Variants in SYT2 observed in about 807,000 individuals in gnomAD.
SYT2 encodes synaptotagmin 2, also known as synaptotagmin-2.
In SYT2, 15 loss-of-function variants were observed where a neutral mutation model predicts 39.9. That is an observed-to-expected ratio of 0.38 (90% CI 0.25 to 0.58). SYT2 has a LOEUF of 0.58. Among genes scored for constraint, SYT2 ranks in the 20% least tolerant of loss-of-function variants. The pLI is 0.70. For synonymous variants in SYT2, 181 were observed against 204.5 expected (o/e 0.89, Z 0.98); for missense variants, 389 against 530.3 (o/e 0.73, Z 2.62).
intron 7 of SYT2, 28 bp downstream of exon 7, chr1:202,600,329 C>T (rs1312047683): frequency 1.3e-6 from 2 of 1,588,160 alleles, no homozygotes; most frequent in East Asian, 2.2e-5. Flanking sequence ...TGGTGCCACC[C>T]AATGGCAGCC....
At chr1:202,701,551 T>A (rs1654120575) in intron 1 of SYT2, among the ~76,000 whole-genome samples, 1 of 152,218 alleles carries the variant, frequency 6.6e-6, no homozygotes, top group African/African-American at 2.4e-5. Flanking sequence ...GAAAATGGCA[T>A]TTCATTATTT....
chr1:202,646,020 C>A (rs1052074699), intron 1 of SYT2, among the ~76,000 whole-genome samples: 3 of 152,228 alleles, frequency 2.0e-5, no homozygotes, highest in Non-Finnish European at 4.4e-5. Flanking sequence ...AGGGAGCCCC[C>A]AAAGGGTGGA....
At chr1:202,676,145 C>G (rs1415389529) in intron 1 of SYT2, among the ~76,000 whole-genome samples, 3 of 152,230 alleles carry the variant, frequency 2.0e-5, no homozygotes, top group Non-Finnish European at 4.4e-5. Flanking sequence ...GGTACGCAGG[C>G]TGTGGTCCTA....
chr1:202,644,359 C>T (rs1420177916), intron 1 of SYT2, among the ~76,000 whole-genome samples: 4 of 152,162 alleles, frequency 2.6e-5, no homozygotes, highest in African/African-American at 7.2e-5. Flanking sequence ...TTGGGAAAAG[C>T]GAGGCTGACA....
Position 202,614,901 on chromosome 1 carries a change from T to C in SYT2, c.-17-9112A>G, listed in dbSNP as rs1445058321. Among the ~76,000 whole-genome samples the C allele has an allele frequency of 6.6e-6, 1 of 152,100 alleles. No individual in the cohort carries two copies. The highest frequency in any genetic ancestry group is 1.5e-5 in the Non-Finnish European group (1 of 68,006). Reference sequence around the variant, plus strand: ...AGCACCATAGGCCGCGTCAAGGAGTTTTGTCTTTCCCAAAGAGGAATGAGA... The same window carrying C: ...AGCACCATAGGCCGCGTCAAGGAGTCTTGTCTTTCCCAAAGAGGAATGAGA... On this transcript the variant is annotated intron_variant, in intron 1 of 8. Coordinates refer to ENST00000367268, the MANE Select transcript of SYT2 (RefSeq NM_177402.5). This position sits in a 1 kb window ranked among gnomAD's most constrained non-coding sequence, Gnocchi z 4.0.
At chr1:202,657,238 C>T (rs1323397738) in intron 1 of SYT2, among the ~76,000 whole-genome samples, 3 of 152,184 alleles carry the variant, frequency 2.0e-5, no homozygotes, top group Non-Finnish European at 4.4e-5. Flanking sequence ...ACAGCCAGTC[C>T]AAGCACACCC....
intron 3 of SYT2, among the ~76,000 whole-genome samples, chr1:202,604,055 TCA>T (rs1250413809): frequency 1.3e-5 from 2 of 152,198 alleles, no homozygotes; most frequent in African/African-American, 4.8e-5. Context: ...CTCTTCCGCC[TCA>T]TTTGATTCCC....
At chr1:202,617,695 G>C (rs1691085567) in intron 1 of SYT2, among the ~76,000 whole-genome samples, 1 of 151,978 alleles carries the variant, frequency 6.6e-6, no homozygotes, top group Admixed American at 6.6e-5. Context: ...CCGCATCAAG[G>C]CCTCAACCAC....
intron 1 of SYT2, among the ~76,000 whole-genome samples, chr1:202,700,834 A>G (rs1169513696): frequency 6.6e-6 from 1 of 152,212 alleles, no homozygotes; most frequent in Non-Finnish European, 1.5e-5. Context: ...GGGGTATTTA[A>G]TAAAGCCTTT....
chr1:202,692,065 C>G (rs1653850807), intron 1 of SYT2, among the ~76,000 whole-genome samples: 1 of 152,086 alleles, frequency 6.6e-6, no homozygotes, highest in Non-Finnish European at 1.5e-5. Flanking sequence ...TCTATCCAGC[C>G]ATGCTTCCTC....
At chr1:202,668,610 T>TCCC (rs1406889717) in intron 1 of SYT2, among the ~76,000 whole-genome samples, 1 of 152,220 alleles carries the variant, frequency 6.6e-6, no homozygotes, top group African/African-American at 2.4e-5. Context: ...GTGCTAGCCA[T>TCCC]TTTATGTGCA....
At chr1:202,674,665 C>T (rs1215355307) in intron 1 of SYT2, among the ~76,000 whole-genome samples, 1 of 152,134 alleles carries the variant, frequency 6.6e-6, no homozygotes, top group Non-Finnish European at 1.5e-5. Flanking sequence ...ACCAAATCAT[C>T]TCTCCTCAGC....
chr1:202,643,942 C>G (rs942350036), intron 1 of SYT2, among the ~76,000 whole-genome samples: 1 of 152,116 alleles, frequency 6.6e-6, no homozygotes, highest in African/African-American at 2.4e-5. Context: ...GACCCCCTGG[C>G]TGTAGGGAAT....
At chr1:202,694,961 C>G (rs1226858948) in intron 1 of SYT2, among the ~76,000 whole-genome samples, 1 of 152,182 alleles carries the variant, frequency 6.6e-6, no homozygotes, top group Non-Finnish European at 1.5e-5. Context: ...TCTATCCTAT[C>G]CCAGACCAGT....
chr1:202,628,642 A>G lies in SYT2; in HGVS notation c.-17-22853T>C, dbSNP rs1375845307. ...TGCCTGACCGGGGGCCGGGACAGAC[A>G]TGGGAGATAGGGGCCAGGAGGGATG... On this transcript the variant is annotated intron_variant, in intron 1 of 8. Coordinates refer to ENST00000367268, the MANE Select transcript of SYT2 (RefSeq NM_177402.5). The surrounding 1 kb of genome is among the most constrained non-coding windows in gnomAD (Gnocchi z 4.2). 6.6e-6 allele frequency among the ~76,000 whole-genome samples: 1 copy of G among 152,324 alleles called. No homozygotes were observed. Among genetic ancestry groups the G allele is most frequent in the African/African-American group, 2.4e-5 (1 of 41,574 alleles).
intron 1 of SYT2, among the ~76,000 whole-genome samples, chr1:202,654,884 G>A (rs1209780860): frequency 6.6e-6 from 1 of 152,206 alleles, no homozygotes; most frequent in Non-Finnish European, 1.5e-5. Flanking sequence ...GCTAATGGCT[G>A]GCCCAGGCTG....
At chr1:202,703,573 A>C (rs1241324920) in intron 1 of SYT2, among the ~76,000 whole-genome samples, 1 of 151,964 alleles carries the variant, frequency 6.6e-6, no homozygotes, top group Admixed American at 6.6e-5. Flanking sequence ...GGCCTCCATC[A>C]CCACTCTCCT....
chr1:202,600,205 C>T, intron 7 of SYT2, 152 bp downstream of exon 7: 1 of 681,936 alleles, frequency 1.5e-6, no homozygotes, highest in Non-Finnish European at 2.6e-6. Context: ...AAAAGGAGGG[C>T]CTGGGAAGCT....
At chr1:202,641,155 T>C (rs1691906806) in intron 1 of SYT2, among the ~76,000 whole-genome samples, 1 of 152,172 alleles carries the variant, frequency 6.6e-6, no homozygotes, top group African/African-American at 2.4e-5. Flanking sequence ...ACACAGCTAA[T>C]AACCAGTAGA....
Sources: gnomAD v4.1 joint callset for allele counts (sites outside exome capture counted in the v4.1 genomes callset) on GRCh38, gnomAD v4.1.1 for gene constraint, Gnocchi (gnomAD v3.1) non-coding constraint, MANE v1.5 for transcripts, NCBI Gene and HGNC (gene_info 2026-07-23, HGNC 2026-07-21) for gene names.